CFAP77: variants seen among roughly 807,000 people sequenced by gnomAD.
The protein encoded by CFAP77 is cilia- and flagella-associated protein 77.
Under a neutral mutation model 31.1 loss-of-function variants are expected in CFAP77, and 25 were observed. That is an observed-to-expected ratio of 0.80 (90% CI 0.59 to 1.12). The LOEUF (loss-of-function observed/expected upper bound fraction) is 1.12. Among genes scored for constraint, CFAP77 ranks in the 50% most tolerant of loss-of-function variants. CFAP77 has a pLI of 0.00. For missense variants in CFAP77, 377 were observed against 397.3 expected (o/e 0.95, Z 0.44); for synonymous variants, 151 against 159.9 (o/e 0.94, Z 0.42).
chr9:132,551,449 C>T (rs979544667), intron 5 of CFAP77, among the ~76,000 whole-genome samples: 1 of 152,198 alleles, frequency 6.6e-6, no homozygotes, highest in African/African-American at 2.4e-5. Context: ...ACATCCGCCA[C>T]CACGCCCGGC....
chr9:132,514,812 C>A (rs1367482121), intron 3 of CFAP77, among the ~76,000 whole-genome samples: 1 of 152,186 alleles, frequency 6.6e-6, no homozygotes, highest in Non-Finnish European at 1.5e-5. Flanking sequence ...TTCTAAGAGT[C>A]CTGCTAGGGA....
intron 5 of CFAP77, among the ~76,000 whole-genome samples, chr9:132,543,605 C>A (rs545075538): frequency 6.6e-6 from 1 of 152,180 alleles, no homozygotes; most frequent in Non-Finnish European, 1.5e-5. Context: ...TGACATCCTG[C>A]GCTGGGAATT....
intron 1 of CFAP77, among the ~76,000 whole-genome samples, chr9:132,452,651 C>A (rs1325989262): frequency 1.3e-5 from 2 of 152,206 alleles, no homozygotes; most frequent in African/African-American, 4.8e-5. Context: ...TGCCCAGCAA[C>A]TAAGAATCAG....
At chr9:132,434,181 C>T (rs1850465457) in intron 1 of CFAP77, among the ~76,000 whole-genome samples, 1 of 151,706 alleles carries the variant, frequency 6.6e-6, no homozygotes, top group African/African-American at 2.4e-5. Context: ...ATAAATAAGG[C>T]CCAGCTCTGG....
chr9:132,436,298 G>C (rs1218256260), intron 1 of CFAP77, among the ~76,000 whole-genome samples: 1 of 152,076 alleles, frequency 6.6e-6, no homozygotes, highest in African/African-American at 2.4e-5. Flanking sequence ...CTGTGGTCAC[G>C]TGGCCTCTCT....
chr9:132,531,247 T>C (rs1191848307), intron 3 of CFAP77, among the ~76,000 whole-genome samples: 1 of 152,188 alleles, frequency 6.6e-6, no homozygotes, highest in East Asian at 1.9e-4. Flanking sequence ...CAACAAGAAA[T>C]AATTACTGAG....
intron 1 of CFAP77, 44 bp downstream of exon 1, chr9:132,410,510 G>T: frequency 6.7e-7 from 1 of 1,485,178 alleles, no homozygotes; most frequent in South Asian, 1.3e-5. Flanking sequence ...CGCCGGCTCC[G>T]GGCACCTGCG....
At chr9:132,484,027 C>T (rs1270787629) in intron 1 of CFAP77, among the ~76,000 whole-genome samples, 1 of 151,434 alleles carries the variant, frequency 6.6e-6, no homozygotes, top group Non-Finnish European at 1.5e-5. Flanking sequence ...ACCTCCACCT[C>T]CTAGGTTCAA....
rs371848755 is a variant in CFAP77, at chr9:132,486,046, G to T, written c.196-12649G>T. On this transcript the variant is annotated intron_variant, in intron 1 of 5. Transcript: ENST00000393216. Reference sequence around the variant, plus strand: ...TATATATATATATATATATATGTATGTATATGTATGTGTGTGTGTGTATAT... The same window carrying T: ...TATATATATATATATATATATGTATTTATATGTATGTGTGTGTGTGTATAT... Among the ~76,000 whole-genome samples the T allele has an allele frequency of 5.1e-3, 97 of 18,932 alleles. 14 individuals carry two copies. Among genetic ancestry groups the T allele is most frequent in the Middle Eastern group, 0.083 (2 of 24 alleles). 12.4% of individuals were successfully genotyped at this position (18,932 alleles called of 152,430 possible).
At chr9:132,443,252 T>C (rs1208659594) in intron 1 of CFAP77, among the ~76,000 whole-genome samples, 9 of 151,512 alleles carry the variant, frequency 5.9e-5, no homozygotes, top group Non-Finnish European at 1.0e-4. Flanking sequence ...TTTTGTTTTA[T>C]TTTTGTTTTT....
rs1021689526 is a variant in CFAP77 at position 132,572,626 on chromosome 9, G to A, written c.*116G>A. 9.3e-7 allele frequency: 1 copy of A among 1,077,756 alleles called. No homozygotes were observed. Among genetic ancestry groups the A allele is most frequent in the Non-Finnish European group, 1.3e-6 (1 of 764,560 alleles). The allele number at this position is 1,077,756 out of a possible 1,614,324, so 66.8% of individuals were successfully genotyped here. On this transcript the variant is annotated 3_prime_UTR_variant, in exon 6 of 6. Transcript: ENST00000393216. The stretch of plus-strand genomic sequence containing the variant: ...CATTTTTATGCAGGTTCTGCTTCAA[G>A]GAGCTCAGATTCAAGTCTTAGGCTA...
chr9:132,555,693 G>T (rs12340300), intron 5 of CFAP77, among the ~76,000 whole-genome samples: 1 of 151,902 alleles, frequency 6.6e-6, no homozygotes, highest in African/African-American at 2.4e-5. Context: ...TCAGAATGAA[G>T]AGTGGAGGCT....
chr9:132,463,956 T>C (rs985815861), intron 1 of CFAP77, among the ~76,000 whole-genome samples: 1 of 152,180 alleles, frequency 6.6e-6, no homozygotes, highest in Non-Finnish European at 1.5e-5. Context: ...GGGAGCCGCC[T>C]GATGGTTTTA....
intron 1 of CFAP77, among the ~76,000 whole-genome samples, chr9:132,457,632 C>G (rs1006931867): frequency 1.3e-5 from 2 of 152,186 alleles, no homozygotes; most frequent in African/African-American, 4.8e-5. Flanking sequence ...TGGAATCTGG[C>G]GACAGGTTAC....
chr9:132,466,439 G>A, intron 1 of CFAP77, among the ~76,000 whole-genome samples: 1 of 152,204 alleles, frequency 6.6e-6, no homozygotes, highest in South Asian at 2.1e-4. Context: ...CCCAGGAGGA[G>A]CACAGTTCCT....
chr9:132,442,478 C>T (rs142322252), intron 1 of CFAP77, among the ~76,000 whole-genome samples: 1,691 of 152,050 alleles, frequency 0.011, 28 homozygotes, highest in African/African-American at 0.038. Context: ...GCTTGAGCCC[C>T]GGAGGCAGAG....
intron 1 of CFAP77, among the ~76,000 whole-genome samples, chr9:132,468,649 G>A (rs949725523): frequency 3.3e-5 from 5 of 152,146 alleles, no homozygotes; most frequent in African/African-American, 1.2e-4. Flanking sequence ...TCAATGCTTC[G>A]TCCTGTGATG....
chr9:132,459,070 C>CTTT (rs1564211410), intron 1 of CFAP77, among the ~76,000 whole-genome samples: 3 of 141,722 alleles, frequency 2.1e-5, no homozygotes, highest in Admixed American at 7.7e-5. Flanking sequence ...AGCCCTGAAA[C>CTTT]TATTTTTTTT....
intron 1 of CFAP77, among the ~76,000 whole-genome samples, chr9:132,412,582 G>GTT (rs11372169): frequency 0.012 from 1,773 of 149,252 alleles, 17 homozygotes; most frequent in Non-Finnish European, 0.017. Context: ...CACCTCTGTT[G>GTT]TTTTTTTTGG....
Sources: allele counts gnomAD v4.1 joint callset (sites outside exome capture counted in the v4.1 genomes callset), GRCh38; gene constraint gnomAD v4.1.1; transcripts MANE v1.5; gene names NCBI Gene and HGNC (gene_info 2026-07-23, HGNC 2026-07-21).